Variants in NCK1 observed in about 807,000 individuals in gnomAD.
NCK1 encodes the protein SH2/SH3 adapter protein NCK1.
NCK1 carries 19 observed loss-of-function variants against 36.6 expected under a neutral mutation model. That is an observed-to-expected ratio of 0.52 (90% confidence interval 0.36 to 0.76). NCK1 has a LOEUF of 0.76. Ranked by LOEUF, NCK1 falls within the 30% of genes least tolerant of loss-of-function variation. NCK1 has a pLI of 0.00. For missense variants in NCK1, 358 were observed against 445.6 expected (o/e 0.80, Z 1.77); for synonymous variants, 165 against 156.0 (o/e 1.06, Z -0.43).
At chr3:136,927,661 A>G (rs1242141165) in intron 1 of NCK1, among the ~76,000 whole-genome samples, 2 of 152,094 alleles carry the variant, frequency 1.3e-5, no homozygotes, top group Non-Finnish European at 2.9e-5. Flanking sequence ...AGCTGGGACT[A>G]CGGGTGTGCA....
chr3:136,932,510 TG>T (rs1477658353), intron 2 of NCK1, among the ~76,000 whole-genome samples: 1 of 152,206 alleles, frequency 6.6e-6, no homozygotes, highest in Non-Finnish European at 1.5e-5. Context: ...GTAGATGAAG[TG>T]AACAGATGGA....
chr3:136,936,775 C>T (rs1239382244), intron 2 of NCK1, among the ~76,000 whole-genome samples: 9 of 152,116 alleles, frequency 5.9e-5, no homozygotes, highest in Admixed American at 1.3e-4. Context: ...ATTCGTATAC[C>T]GTAGTTGGAA....
chr3:136,948,243 T>C lies in NCK1; in HGVS notation c.940-16T>C. On this transcript the variant is annotated splice_polypyrimidine_tract_variant and intron_variant, in intron 3 of 3. Transcript: ENST00000481752. ...TTCAAAATGTTTACTATATGTATCT[T>C]TTTTTTCTCTTTTAGCCAAATGATT... 6.4e-7 allele frequency: 1 copy of C among 1,566,872 alleles called. No individual in the cohort carries two copies.
chr3:136,913,203 A>G (rs928720610), intron 1 of NCK1, among the ~76,000 whole-genome samples: 1 of 151,940 alleles, frequency 6.6e-6, no homozygotes, highest in Admixed American at 6.6e-5. Flanking sequence ...AAAACTGGAC[A>G]TTTAAATCTG....
chr3:136,918,499 T>G (rs984492990), intron 1 of NCK1, among the ~76,000 whole-genome samples: 1 of 152,210 alleles, frequency 6.6e-6, no homozygotes, highest in African/African-American at 2.4e-5. Flanking sequence ...TAGGCCATTT[T>G]CATATAAGAG....
At chr3:136,912,258 G>T (rs1235393606) in intron 1 of NCK1, among the ~76,000 whole-genome samples, 2 of 150,154 alleles carry the variant, frequency 1.3e-5, no homozygotes, top group Non-Finnish European at 3.0e-5. Flanking sequence ...TGCCTTCCAG[G>T]TTCAAGCAAT....
At chr3:136,863,926 C>T (rs1938329259) in intron 1 of NCK1, among the ~76,000 whole-genome samples, 1 of 151,400 alleles carries the variant, frequency 6.6e-6, no homozygotes, top group Non-Finnish European at 1.5e-5. Flanking sequence ...ACGGTGAAAC[C>T]CCGTCTCTAC....
At chr3:136,915,108 C>A (rs764959958) in intron 1 of NCK1, among the ~76,000 whole-genome samples, 6 of 150,122 alleles carry the variant, frequency 4.0e-5, no homozygotes, top group Non-Finnish European at 9.0e-5. Context: ...CCAAATAAGC[C>A]TTTTTTCTTT....
intron 1 of NCK1, among the ~76,000 whole-genome samples, chr3:136,881,664 A>G (rs1377912460): frequency 4.6e-5 from 7 of 152,228 alleles, no homozygotes; most frequent in Non-Finnish European, 7.3e-5. Context: ...CTGTATACAT[A>G]CTAACAACTC....
rs1358353255 is a variant in NCK1, at chr3:136,919,558, T to C, written c.-18-8426T>C. 3.9e-5 allele frequency among the ~76,000 whole-genome samples: 6 copies of C among 152,168 alleles called. 1 individual carries two copies. The South Asian group carries it at 8.3e-4, about 21-fold the overall frequency. On this transcript the variant is annotated intron_variant, in intron 1 of 3. Transcript: ENST00000481752. ...CGTAGACCCCTTAAGAGATCCACTT[T>C]AGTAACCCTTTCTTAGAGAACTGCT...
At chr3:136,889,602 C>T (rs1364660832) in intron 1 of NCK1, among the ~76,000 whole-genome samples, 2 of 152,088 alleles carry the variant, frequency 1.3e-5, no homozygotes. Flanking sequence ...GCCCCACCCA[C>T]ATGCTGCTGA....
intron 1 of NCK1, among the ~76,000 whole-genome samples, chr3:136,918,654 T>C (rs1487025899): frequency 6.6e-6 from 1 of 152,196 alleles, no homozygotes; most frequent in Non-Finnish European, 1.5e-5. Context: ...TCACAAACGT[T>C]CTTAAAACAT....
rs1206331428 is a variant in NCK1 at position 136,949,478 on chromosome 3, T to A, written c.*1025T>A. ...TACCTGAGGAAAAAATAGAATGTGC[T>A]CATGGTTAGGGAAAATTATATTATT... On this transcript the variant is annotated 3_prime_UTR_variant, in exon 4 of 4. Coordinates refer to ENST00000481752, the MANE Select transcript of NCK1 (RefSeq NM_001291999.2). The A allele has an allele frequency of 6.6e-6, 1 of 152,042 alleles. No homozygotes were observed. The highest frequency in any genetic ancestry group is 2.4e-5 in the African/African-American group (1 of 41,440). 9.4% of individuals were successfully genotyped at this position (152,042 alleles called of 1,614,324 possible). A position where few individuals can be genotyped will look rare whatever the true frequency, so the allele number is the denominator to read the frequency against.
At chr3:136,929,400 A>C (rs1284031586) in intron 2 of NCK1, among the ~76,000 whole-genome samples, 1 of 152,228 alleles carries the variant, frequency 6.6e-6, no homozygotes, top group Non-Finnish European at 1.5e-5. Flanking sequence ...TGAGATAAAA[A>C]TATTTCCAGT....
intron 1 of NCK1, among the ~76,000 whole-genome samples, chr3:136,923,101 GTGTA>G (rs1267669660): frequency 6.8e-6 from 1 of 146,172 alleles, no homozygotes; most frequent in African/African-American, 2.4e-5. Context: ...CTATGCCTAT[GTGTA>G]TGTGTGTGTG....
chr3:136,867,125 TTTC>T (rs1938461059), intron 1 of NCK1, among the ~76,000 whole-genome samples: 1 of 25,168 alleles, frequency 4.0e-5, no homozygotes, highest in African/African-American at 1.4e-4. Context: ...TCTTTGTTTC[TTTC>T]TTTCCTTCCT....
At chr3:136,890,988 A>G (rs1313092283) in intron 1 of NCK1, among the ~76,000 whole-genome samples, 1 of 152,156 alleles carries the variant, frequency 6.6e-6, no homozygotes, top group Admixed American at 6.5e-5. Flanking sequence ...ATCATACAAT[A>G]TTTGTCCTTT....
At chr3:136,940,869 C>T (rs556668535) in intron 2 of NCK1, among the ~76,000 whole-genome samples, 2 of 152,138 alleles carry the variant, frequency 1.3e-5, no homozygotes, top group African/African-American at 2.4e-5. Context: ...TTTATATAGC[C>T]ACCCCACTCT....
chr3:136,899,397 G>A (rs956151320), intron 1 of NCK1: 1 of 244,660 alleles, frequency 4.1e-6, no homozygotes, highest in Non-Finnish European at 8.4e-6. Flanking sequence ...TTTCTACTGG[G>A]GATTTTACCT....
Sources: gnomAD v4.1 joint callset for allele counts (sites outside exome capture counted in the v4.1 genomes callset) on GRCh38, gnomAD v4.1.1 for gene constraint, MANE v1.5 for transcripts, NCBI Gene and HGNC (gene_info 2026-07-23, HGNC 2026-07-21) for gene names.